The following S100A8 variants were observed in gnomAD, a reference collection of about 807,000 sequenced individuals.
The protein encoded by S100A8 is S100 calcium binding protein A8.
S100A8 carries 1 observed loss-of-function variant against 4.2 expected under a neutral mutation model. The ratio of observed to expected loss-of-function variants is 0.24; its 90% CI spans 0.08 to 1.12. S100A8 has a LOEUF of 1.12. S100A8 is among the 50% of genes most tolerant of loss of function. The probability of loss-of-function intolerance (pLI) is 0.53; values close to 1 mark genes in which losing one functional copy is unlikely to be tolerated. For missense variants in S100A8, 96 were observed against 111.8 expected, an observed-to-expected ratio of 0.86 and a Z score of 0.64; for synonymous variants, 41 against 44.7, an observed-to-expected ratio of 0.92 and a Z score of 0.33.
chr1:153,419,250 G>A, the S100A8 span: 277 of 1,614,186 alleles, frequency 1.7e-4, 1 homozygote, highest in East Asian at 5.8e-3. Context: ...GGGAGACATA[G>A]CCGCAGACTA....
the S100A8 span, among the ~76,000 whole-genome samples, chr1:153,418,587 G>C: frequency 1.3e-5 from 2 of 152,112 alleles, no homozygotes; most frequent in Non-Finnish European, 2.9e-5. Context: ...TACTGGGAAA[G>C]CACTAGAAGT....
chr1:153,420,697 T>C, the S100A8 span: 3 of 152,276 alleles, frequency 2.0e-5, no homozygotes, highest in Non-Finnish European at 4.4e-5. Context: ...TAAATCCCCA[T>C]GTCTGACCAT....
chr1:153,397,247 C>A, the S100A8 span, among the ~76,000 whole-genome samples: 1 of 152,244 alleles, frequency 6.6e-6, no homozygotes, highest in Non-Finnish European at 1.5e-5. Flanking sequence ...AGTCTGCATC[C>A]CCAGCGCTGC....
chr1:153,390,179 T>G lies in S100A8; in HGVS notation c.206A>C (p.Gln69Pro). Residue 69 changes from glutamine to proline, a missense_variant, in exon 3 of 3, where the codon CAG becomes CCG. Gln to Pro is a moderately conservative substitution (Grantham distance 76). Transcript: ENST00000368733. The part of the protein sequence containing the change: ...DINTDGAVNF[Q>P]EFLILVIKMG... ...CTTTATCACCAGAATGAGGAACTCC[T>G]GGAAGTTAACTGCACCATCAGTGTT... 3.7e-6 allele frequency: 6 copies of G among 1,614,164 alleles called. No individual in the cohort carries two copies. Among genetic ancestry groups the G allele is most frequent in the Non-Finnish European group, 5.1e-6 (6 of 1,179,998 alleles).
At chr1:153,390,289 G>C (rs1449577507) in intron 2 of S100A8, 46 bp from the exon 3 acceptor site, 20 of 1,603,306 alleles carry the variant, frequency 1.2e-5, no homozygotes, top group Non-Finnish European at 1.6e-5. Context: ...AGATCTCAGA[G>C]AGAGCCGAGG....
the S100A8 span, among the ~76,000 whole-genome samples, chr1:153,410,604 G>C: frequency 4.8e-3 from 730 of 152,206 alleles, 3 homozygotes; most frequent in African/African-American, 0.017. Context: ...AATAGAAAAA[G>C]AGGGAATCCT....
the S100A8 span, among the ~76,000 whole-genome samples, chr1:153,409,679 G>A: frequency 7.2e-5 from 11 of 151,934 alleles, no homozygotes; most frequent in African/African-American, 9.7e-5. Context: ...TCAGCACCAC[G>A]TCACATTTAT....
At chr1:153,401,393 T>C in the S100A8 span, among the ~76,000 whole-genome samples, 1 of 152,128 alleles carries the variant, frequency 6.6e-6, no homozygotes, top group Non-Finnish European at 1.5e-5. Context: ...AAACTCATAG[T>C]CTGTAGGTGG....
At chr1:153,391,126 C>A (rs1022038008), upstream of S100A8, 9 of 985,462 alleles carry the variant, frequency 9.1e-6, no homozygotes, top group Admixed American at 3.7e-4. Context: ...GCCAGCTGCC[C>A]ACAGCTTCAG....
the S100A8 span, chr1:153,422,423 C>T: frequency 2.6e-6 from 2 of 778,966 alleles, no homozygotes; most frequent in African/African-American, 3.8e-5. Context: ...CATACTAGAG[C>T]AAGAATTTAC....
chr1:153,403,550 A>ATAGACTC, the S100A8 span, among the ~76,000 whole-genome samples: 1 of 152,256 alleles, frequency 6.6e-6, no homozygotes, highest in African/African-American at 2.4e-5. Flanking sequence ...ATGTGGAGCA[A>ATAGACTC]TCATGTCACA....
chr1:153,420,522 G>A, the S100A8 span: 2 of 152,250 alleles, frequency 1.3e-5, no homozygotes, highest in Non-Finnish European at 2.9e-5. Flanking sequence ...CATCCTACCA[G>A]CAGCAGTGTG....
chr1:153,418,306 C>A, the S100A8 span: 1 of 1,549,086 alleles, frequency 6.5e-7, no homozygotes, highest in Non-Finnish European at 8.8e-7. Flanking sequence ...TTGGACAGGT[C>A]ACCCTCATCC....
At chr1:153,414,087 T>TA in the S100A8 span, among the ~76,000 whole-genome samples, 4 of 152,138 alleles carry the variant, frequency 2.6e-5, no homozygotes, top group African/African-American at 9.7e-5. Context: ...TCCTTTTTTT[T>TA]ATAAACAGTG....
chr1:153,394,801 G>A (rs977105184), upstream of S100A8, among the ~76,000 whole-genome samples: 31 of 152,152 alleles, frequency 2.0e-4, no homozygotes, highest in African/African-American at 5.3e-4. Context: ...CATGTTTGGC[G>A]CAAAGGACCA....
At chr1:153,403,051 C>T in the S100A8 span, among the ~76,000 whole-genome samples, 1 of 152,198 alleles carries the variant, frequency 6.6e-6, no homozygotes, top group Non-Finnish European at 1.5e-5. Flanking sequence ...GATGCTCATG[C>T]TCATGAAACT....
At chr1:153,397,211 C>G in the S100A8 span, among the ~76,000 whole-genome samples, 1 of 152,230 alleles carries the variant, frequency 6.6e-6, no homozygotes, top group Admixed American at 6.5e-5. Flanking sequence ...GGGAGCTCCC[C>G]AAGAGCAGAG....
At chr1:153,397,709 C>T in the S100A8 span, among the ~76,000 whole-genome samples, 1 of 152,092 alleles carries the variant, frequency 6.6e-6, no homozygotes, top group South Asian at 2.1e-4. Context: ...GGTTTGCAGC[C>T]TCTCTCTCCC....
chr1:153,408,630 C>A, the S100A8 span, among the ~76,000 whole-genome samples: 9 of 152,106 alleles, frequency 5.9e-5, no homozygotes, highest in African/African-American at 1.7e-4. Flanking sequence ...CAGAGAGGGC[C>A]ACAAAGATAC....
Sources: gnomAD v4.1 joint callset for allele counts (sites outside exome capture counted in the v4.1 genomes callset) on GRCh38, gnomAD v4.1.1 for gene constraint, MANE v1.5 for transcripts, NCBI Gene and HGNC (gene_info 2026-07-23, HGNC 2026-07-21) for gene names.